ARMH3: variants seen among roughly 807,000 people sequenced by gnomAD.
The protein encoded by ARMH3 is armadillo like helical domain containing 3.
ARMH3 carries 60 observed loss-of-function variants against 99.1 expected under a neutral mutation model. The ratio of observed to expected loss-of-function variants is 0.61; its 90% CI spans 0.49 to 0.75. The LOEUF (loss-of-function observed/expected upper bound fraction) is 0.75, where lower values mean the gene tolerates loss of function less well. Among genes scored for constraint, ARMH3 ranks in the 30% least tolerant of loss-of-function variants. ARMH3 has a pLI of 0.00. For synonymous variants in ARMH3, 285 were observed against 292.8 expected, an observed-to-expected ratio of 0.97 and a Z score of 0.27; for missense variants, 679 against 843.1, an observed-to-expected ratio of 0.81 and a Z score of 2.41.
intron 23 of ARMH3, among the ~76,000 whole-genome samples, chr10:101,906,484 T>A (rs1842641820): frequency 6.6e-6 from 1 of 152,216 alleles, no homozygotes; most frequent in African/African-American, 2.4e-5. Context: ...GAGGCTCTTA[T>A]AACATGAGAG....
chr10:101,880,731 C>T (rs2067393964), intron 24 of ARMH3, among the ~76,000 whole-genome samples: 1 of 152,148 alleles, frequency 6.6e-6, no homozygotes, highest in African/African-American at 2.4e-5. Flanking sequence ...TATCAGGCTC[C>T]ATTTTCCTCA....
At chr10:101,966,060 G>C (rs1244509953) in intron 20 of ARMH3, among the ~76,000 whole-genome samples, 1 of 151,434 alleles carries the variant, frequency 6.6e-6, no homozygotes, top group Non-Finnish European at 1.5e-5. Context: ...TGAATTCCTA[G>C]AGATAGAAGC....
At chr10:102,025,498 G>A (rs1240369318) in intron 5 of ARMH3, among the ~76,000 whole-genome samples, 1 of 152,126 alleles carries the variant, frequency 6.6e-6, no homozygotes, top group African/African-American at 2.4e-5. Flanking sequence ...TAGAACAGTT[G>A]CACAAGAGAG....
At chr10:101,953,373 A>G (rs568526462) in intron 22 of ARMH3, among the ~76,000 whole-genome samples, 3 of 152,088 alleles carry the variant, frequency 2.0e-5, no homozygotes, top group Non-Finnish European at 2.9e-5. Flanking sequence ...TGATCTGCCT[A>G]CTTTGGCCAC....
chr10:102,023,229 G>A (rs928416425), intron 8 of ARMH3, among the ~76,000 whole-genome samples: 1 of 151,808 alleles, frequency 6.6e-6, no homozygotes, highest in Non-Finnish European at 1.5e-5. Flanking sequence ...CTAATAAGCT[G>A]GTATGGGAAT....
intron 24 of ARMH3, among the ~76,000 whole-genome samples, chr10:101,854,372 C>T (rs1262237697): frequency 6.6e-6 from 1 of 152,158 alleles, no homozygotes; most frequent in Non-Finnish European, 1.5e-5. Flanking sequence ...TACACAGCTA[C>T]CTAGACAGCT....
chr10:101,898,520 C>T (rs1423324093), intron 23 of ARMH3, among the ~76,000 whole-genome samples: 2 of 152,186 alleles, frequency 1.3e-5, no homozygotes, highest in Non-Finnish European at 2.9e-5. Flanking sequence ...AAGCTCAGAA[C>T]ATGGCGATTG....
rs2067177177 is a variant in ARMH3, at chr10:102,033,313, A to G, written c.129T>C (p.Pro43=). The G allele has an allele frequency of 1.2e-6, 2 of 1,614,160 alleles. No individual in the cohort carries two copies. Among genetic ancestry groups the G allele is most frequent in the Non-Finnish European group, 1.7e-6 (2 of 1,180,028 alleles). The change falls in exon 3 of 26, where the codon CCT becomes CCC. Residue 43 remains proline, a synonymous_variant. Transcript: ENST00000370033. ...FMTEDPSKCS[P]RFWEELFLMK... is the part of the protein sequence containing the mutation. The stretch of plus-strand genomic sequence containing the variant: ...TGAGAAAGAGCTCCTCCCAAAACCG[A>G]GGACTGCACTTACTGGGGTCCTCTG...
chr10:101,873,367 G>A (rs1449559799), intron 24 of ARMH3, among the ~76,000 whole-genome samples: 3 of 151,210 alleles, frequency 2.0e-5, no homozygotes, highest in East Asian at 1.9e-4. Context: ...AGCCGAGATC[G>A]CGCCACTGCA....
chr10:102,025,213 T>C lies in ARMH3; in HGVS notation c.450A>G (p.Ala150=), dbSNP rs2066974616. The C allele has an allele frequency of 6.2e-7, 1 of 1,614,000 alleles. No individual in the cohort carries two copies. The highest frequency in any genetic ancestry group is 1.3e-5 in the African/African-American group (1 of 75,040). ...LMESLDSLLC[A]EGSESLKSLC... ...AACTCTTCAGACTTTCAGAACCTTC[T>C]GCACAAAGCAATGAATCCAAACTCT... Residue 150 remains alanine, a synonymous_variant, in exon 6 of 26, where the codon GCA becomes GCG. Coordinates refer to ENST00000370033, the MANE Select transcript of ARMH3 (RefSeq NM_024541.3).
At chr10:101,940,072 T>A (rs1005254282) in intron 22 of ARMH3, 134 bp from the exon 23 acceptor site, 6 of 617,700 alleles carry the variant, frequency 9.7e-6, no homozygotes, top group Admixed American at 6.1e-5. Flanking sequence ...GTTAAAAACA[T>A]CCTCAGCTTA....
At chr10:101,999,757 A>T (rs2136051221) in intron 15 of ARMH3, among the ~76,000 whole-genome samples, 1 of 152,260 alleles carries the variant, frequency 6.6e-6, no homozygotes, top group Admixed American at 6.5e-5. Flanking sequence ...TTTATGTGTA[A>T]AGCAGAATCA....
chr10:101,887,964 G>A (rs2067593530), intron 24 of ARMH3, among the ~76,000 whole-genome samples: 1 of 151,522 alleles, frequency 6.6e-6, no homozygotes, highest in South Asian at 2.1e-4. Context: ...TTTATTATTG[G>A]TCTGTGGCAG....
At chr10:101,970,923 A>C (rs1845740390) in intron 20 of ARMH3, among the ~76,000 whole-genome samples, 3 of 151,998 alleles carry the variant, frequency 2.0e-5, no homozygotes, top group Admixed American at 2.0e-4. Flanking sequence ...ATATTTAAAC[A>C]AATCATTGTA....
Position 101,991,981 on chromosome 10 carries a change from A to G in ARMH3, c.1333T>C (p.Cys445Arg), listed in dbSNP as rs1284850880. 6.2e-7 allele frequency: 1 copy of G among 1,614,026 alleles called. No individual in the cohort carries two copies. Among genetic ancestry groups the G allele is most frequent in the Non-Finnish European group, 8.5e-7 (1 of 1,179,860 alleles). Residue 445 changes from cysteine (C) to arginine (R), a missense_variant, in exon 18 of 26, where the codon TGT (cysteine) becomes CGT (arginine). By Grantham distance (180) the Cys-to-Arg change is radical. Coordinates refer to ENST00000370033, the MANE Select transcript of ARMH3 (RefSeq NM_024541.3). Reference sequence around the variant, plus strand: ...GATACTCACTCACCCAGTACTGCACATACTAAAGGACGGCAGGGAAGATTC... The same window carrying G: ...GATACTCACTCACCCAGTACTGCACGTACTAAAGGACGGCAGGGAAGATTC... ...DKNLPCRPLV[C>R]AVLDLMVEFI...
At chr10:102,014,600 A>G (rs1564850047) in intron 8 of ARMH3, among the ~76,000 whole-genome samples, 1 of 152,188 alleles carries the variant, frequency 6.6e-6, no homozygotes, top group Non-Finnish European at 1.5e-5. Context: ...TCATTTATGG[A>G]GATCTGATAC....
At position 102,006,554 on chromosome 10, in the gene ARMH3, G is replaced by A. The variant is rs149442033; in HGVS notation, c.1034C>T (p.Pro345Leu). 9,119 of 1,613,794 alleles carry A rather than the reference G, an allele frequency of 5.7e-3. 40 individuals are homozygous for A. The highest frequency in any genetic ancestry group is 7.4e-3 in the Middle Eastern group (45 of 6,054). Residue 345 changes from proline to leucine, a missense_variant, in exon 14 of 26, where the codon CCG becomes CTG. By Grantham distance (98) the Pro-to-Leu change is moderately conservative. This residue lies in a region of ARMH3 where 389 missense variants were observed against 456.5 expected (regional missense o/e 0.85). Transcript: ENST00000370033. ...TTPVTPLGTT[P>L]PSSDVISSVE... is the part of the protein sequence containing the mutation. ...GGTGGGCTCACCATCAGAGGAAGGC[G>A]GTGTGGTCCCAAGTGGTGTGACTGG...
chr10:101,992,273 C>T (rs1846834128), intron 17 of ARMH3, among the ~76,000 whole-genome samples: 1 of 152,074 alleles, frequency 6.6e-6, no homozygotes, highest in Non-Finnish European at 1.5e-5. Context: ...AATTCACAAC[C>T]TCAAAGGGCA....
intron 2 of ARMH3, among the ~76,000 whole-genome samples, chr10:102,034,628 T>C (rs2067206318): frequency 7.1e-6 from 1 of 140,980 alleles, no homozygotes; most frequent in African/African-American, 2.7e-5. Flanking sequence ...AGAGCGAGAC[T>C]CCATCTCAAA....
Sources: allele counts gnomAD v4.1 joint callset (sites outside exome capture counted in the v4.1 genomes callset), GRCh38; gene constraint gnomAD v4.1.1; regional missense constraint gnomAD v4.1.1; transcripts MANE v1.5; gene names NCBI Gene and HGNC (gene_info 2026-07-23, HGNC 2026-07-21).